ADK: variants seen among roughly 807,000 people sequenced by gnomAD.
ADK encodes the protein adenosine kinase, also known as N6,N6-dimethyladenosine kinase.
ADK carries 24 observed loss-of-function variants against 44.7 expected under a neutral mutation model. That is an observed-to-expected ratio of 0.54 (90% confidence interval 0.39 to 0.76). ADK has a LOEUF of 0.76. Ranked by LOEUF, ADK falls within the 30% of genes least tolerant of loss-of-function variation. ADK has a pLI of 0.00. For synonymous variants in ADK, 128 were observed against 142.6 expected (o/e 0.90, Z 0.73); for missense variants, 321 against 425.1 (o/e 0.76, Z 2.15).
intron 3 of ADK, among the ~76,000 whole-genome samples, chr10:74,309,205 A>G (rs35278865): frequency 0.023 from 3,502 of 151,946 alleles, 55 homozygotes; most frequent in Non-Finnish European, 0.036. Context: ...CACTTTTTCT[A>G]TTGTTTTTCT....
intron 7 of ADK, among the ~76,000 whole-genome samples, chr10:74,539,004 A>G (rs1849543134): frequency 6.6e-6 from 1 of 152,106 alleles, no homozygotes; most frequent in African/African-American, 2.4e-5. Flanking sequence ...AACTTCTTTC[A>G]GATATTCTTC....
intron 1 of ADK, among the ~76,000 whole-genome samples, chr10:74,195,095 A>AG (rs1333285721): frequency 2.0e-5 from 3 of 151,278 alleles, no homozygotes; most frequent in Non-Finnish European, 3.0e-5. Flanking sequence ...CCCCCCAAAA[A>AG]AAAAAGATTG....
At chr10:74,699,336 G>A (rs902836707) in intron 10 of ADK, among the ~76,000 whole-genome samples, 5 of 149,392 alleles carry the variant, frequency 3.3e-5, no homozygotes, top group African/African-American at 4.9e-5. Context: ...TTTTTTTTTC[G>A]AAAAACACTT....
intron 4 of ADK, among the ~76,000 whole-genome samples, chr10:74,321,465 G>A (rs982289065): frequency 4.6e-5 from 7 of 151,804 alleles, no homozygotes; most frequent in Non-Finnish European, 1.0e-4. Context: ...TAACTTTTTT[G>A]TAGAGATTGG....
intron 6 of ADK, among the ~76,000 whole-genome samples, chr10:74,517,688 C>CA (rs543658712): frequency 0.047 from 4,526 of 95,360 alleles, 207 homozygotes; most frequent in African/African-American, 0.13. Flanking sequence ...GTCTCTGTCT[C>CA]AAAAAAAAAA....
At chr10:74,293,234 A>C (rs1251648265) in intron 3 of ADK, among the ~76,000 whole-genome samples, 6 of 151,962 alleles carry the variant, frequency 3.9e-5, no homozygotes, top group African/African-American at 1.4e-4. Flanking sequence ...ATTTAGAAAC[A>C]AGAACATTTA....
intron 8 of ADK, among the ~76,000 whole-genome samples, chr10:74,590,376 T>C (rs986782320): frequency 2.0e-5 from 3 of 152,122 alleles, no homozygotes; most frequent in South Asian, 4.1e-4. Context: ...GAGAAAGATA[T>C]TATATGAGTT....
intron 6 of ADK, among the ~76,000 whole-genome samples, chr10:74,459,212 C>A (rs1009612132): frequency 3.1e-4 from 46 of 150,578 alleles, no homozygotes; most frequent in Admixed American, 1.9e-3. Flanking sequence ...ACCCAGGAGG[C>A]AGAGGTTGCA....
At chr10:74,319,857 C>T (rs1198105790) in intron 4 of ADK, among the ~76,000 whole-genome samples, 1 of 152,170 alleles carries the variant, frequency 6.6e-6, no homozygotes, top group Non-Finnish European at 1.5e-5. Context: ...AAACACTCTG[C>T]TCCTTTACAT....
intron 7 of ADK, among the ~76,000 whole-genome samples, chr10:74,577,104 A>ATT (rs1458993406): frequency 1.1e-5 from 1 of 88,600 alleles, no homozygotes; most frequent in Non-Finnish European, 2.4e-5. Flanking sequence ...GTTTTGTATT[A>ATT]TTTCTCTGTG....
intron 10 of ADK, among the ~76,000 whole-genome samples, chr10:74,691,775 A>C (rs1317904995): frequency 6.6e-6 from 1 of 152,106 alleles, no homozygotes; most frequent in Non-Finnish European, 1.5e-5. Context: ...TTATTTGGGG[A>C]GGTTTTTCTT....
intron 4 of ADK, among the ~76,000 whole-genome samples, chr10:74,389,012 C>T (rs923892886): frequency 6.6e-6 from 1 of 152,172 alleles, no homozygotes; most frequent in African/African-American, 2.4e-5. Context: ...CAGGGCACAC[C>T]TTGTTTCTTT....
intron 7 of ADK, among the ~76,000 whole-genome samples, chr10:74,526,152 A>G (rs770717889): frequency 2.0e-5 from 3 of 152,016 alleles, no homozygotes; most frequent in Non-Finnish European, 4.4e-5. Context: ...TTAATAAATT[A>G]TGAGTAAATT....
At chr10:74,365,803 A>G (rs879765056) in intron 4 of ADK, among the ~76,000 whole-genome samples, 1 of 152,194 alleles carries the variant, frequency 6.6e-6, no homozygotes, top group Non-Finnish European at 1.5e-5. Flanking sequence ...TACAACATCT[A>G]CAATAAGATA....
Position 74,237,089 on chromosome 10 carries a change from CTTTCATGAAAAA to C in ADK, c.194+12503_194+12514del, listed in dbSNP as rs1412693323. Reference sequence around the variant, plus strand: ...TGAAGTTTGCTGTGTCAGAGCCTTCCTTTCATGAAAAATTTCTCTGTAATATGCAATGCTGTC... The same window carrying C: ...TGAAGTTTGCTGTGTCAGAGCCTTCCTTTCTCTGTAATATGCAATGCTGTC... On this transcript the variant is annotated intron_variant, in intron 3 of 10. Coordinates refer to ENST00000539909, the MANE Select transcript of ADK (RefSeq NM_006721.4). 2.0e-5 allele frequency among the ~76,000 whole-genome samples: 3 copies of C among 152,142 alleles called. No homozygotes were observed. The South Asian group carries it at 6.2e-4, about 32-fold the overall frequency.
intron 6 of ADK, among the ~76,000 whole-genome samples, chr10:74,476,886 A>G (rs1218565145): frequency 6.6e-6 from 1 of 152,218 alleles, no homozygotes; most frequent in Non-Finnish European, 1.5e-5. Flanking sequence ...ACATGAAATT[A>G]TAAAATATGT....
At chr10:74,328,838 G>T (rs1841110558) in intron 4 of ADK, among the ~76,000 whole-genome samples, 1 of 151,786 alleles carries the variant, frequency 6.6e-6, no homozygotes, top group Admixed American at 6.6e-5. Flanking sequence ...CTTTATAGCA[G>T]CGTGAAAATG....
chr10:74,151,714 A>G (rs975768126), intron 1 of ADK, among the ~76,000 whole-genome samples: 2 of 152,300 alleles, frequency 1.3e-5, no homozygotes, highest in Non-Finnish European at 2.9e-5. Context: ...ATGGCGGGAA[A>G]GAGGCTCGGC....
intron 4 of ADK, among the ~76,000 whole-genome samples, chr10:74,362,497 G>T (rs1842367963): frequency 6.6e-6 from 1 of 151,780 alleles, no homozygotes. Flanking sequence ...TCTTCAAACA[G>T]GTATTTTGAA....
Sources: allele counts gnomAD v4.1 joint callset (sites outside exome capture counted in the v4.1 genomes callset), GRCh38; gene constraint gnomAD v4.1.1; transcripts MANE v1.5; gene names NCBI Gene and HGNC (gene_info 2026-07-23, HGNC 2026-07-21).